Variants in CDH12 observed in about 807,000 individuals in gnomAD.
CDH12 encodes the protein cadherin-12.
A neutral mutation model predicts 74.1 loss-of-function variants in CDH12; 41 were observed. The observed-to-expected ratio is 0.55, with a 90% CI of 0.43 to 0.72. The LOEUF (loss-of-function observed/expected upper bound fraction) is 0.72, where lower values mean the gene tolerates loss of function less well. Among genes scored for constraint, CDH12 ranks in the 30% least tolerant of loss-of-function variants. The pLI is 0.00. For synonymous variants in CDH12, 399 were observed against 355.0 expected (o/e 1.12, Z -1.39); for missense variants, 945 against 977.2 (o/e 0.97, Z 0.44).
intron 2 of CDH12, among the ~76,000 whole-genome samples, chr5:22,450,497 T>C (rs1232703490): frequency 6.6e-6 from 1 of 151,942 alleles, no homozygotes; most frequent in Non-Finnish European, 1.5e-5. Context: ...CATATTGATT[T>C]ATTTTAGTAT....
At position 22,838,798 on chromosome 5, in the gene CDH12, C is replaced by T. The variant is rs575517694; in HGVS notation, c.-523+14260G>A. Among the ~76,000 whole-genome samples the T allele has an allele frequency of 7.2e-5, 11 of 151,972 alleles. 1 individual carries two copies. Among genetic ancestry groups the T allele is most frequent in the Admixed American group, 2.0e-4 (3 of 15,248 alleles). On this transcript the variant is annotated intron_variant, in intron 1 of 14. Coordinates refer to ENST00000382254, the MANE Select transcript of CDH12 (RefSeq NM_004061.5). ...CAAGGGATCCTCTCTCCCACCTCAG[C>T]CTCCTGAGTAGCTAGGACTACAGGC...
At chr5:22,051,134 T>C (rs1740329914) in intron 5 of CDH12, among the ~76,000 whole-genome samples, 1 of 152,110 alleles carries the variant, frequency 6.6e-6, no homozygotes, top group South Asian at 2.1e-4. Context: ...TAATAAAACA[T>C]GACAGCTGTT....
chr5:22,502,368 C>T (rs1008899230), intron 2 of CDH12, among the ~76,000 whole-genome samples: 3 of 152,036 alleles, frequency 2.0e-5, no homozygotes, highest in Admixed American at 6.6e-5. Context: ...GTGCAGCCTC[C>T]CCAGCCATGT....
chr5:22,184,743 A>G (rs1386567945), intron 4 of CDH12, among the ~76,000 whole-genome samples: 2 of 152,050 alleles, frequency 1.3e-5, no homozygotes, highest in African/African-American at 4.8e-5. Flanking sequence ...CATGACCCTT[A>G]CTCTGCTGTG....
chr5:22,728,736 T>C (rs1744285720), intron 1 of CDH12, among the ~76,000 whole-genome samples: 1 of 151,866 alleles, frequency 6.6e-6, no homozygotes, highest in Middle Eastern at 3.2e-3. Context: ...GCTGTCTTCT[T>C]GCTGTGTTCT....
intron 1 of CDH12, among the ~76,000 whole-genome samples, chr5:22,742,140 C>G (rs1303631396): frequency 6.6e-6 from 1 of 151,324 alleles, no homozygotes; most frequent in Middle Eastern, 3.4e-3. Flanking sequence ...TGAGATTGTG[C>G]CACTGTACTC....
intron 1 of CDH12, among the ~76,000 whole-genome samples, chr5:22,522,037 G>A (rs1216042045): frequency 6.6e-6 from 1 of 152,088 alleles, no homozygotes; most frequent in Non-Finnish European, 1.5e-5. Context: ...AAGCGTATCA[G>A]GAAAGTTTTA....
intron 3 of CDH12, among the ~76,000 whole-genome samples, chr5:22,257,336 T>C (rs1753353372): frequency 6.6e-6 from 1 of 151,924 alleles, no homozygotes; most frequent in South Asian, 2.1e-4. Context: ...AAAGTTAAAA[T>C]ATAAGTTAAA....
chr5:21,861,205 T>A (rs1488277502), intron 6 of CDH12, among the ~76,000 whole-genome samples: 1 of 151,796 alleles, frequency 6.6e-6, no homozygotes, highest in African/African-American at 2.4e-5. Flanking sequence ...CTTTCTACAT[T>A]GATTTATTTT....
intron 1 of CDH12, among the ~76,000 whole-genome samples, chr5:22,642,382 T>A (rs754992915): frequency 6.6e-6 from 1 of 152,198 alleles, no homozygotes; most frequent in Non-Finnish European, 1.5e-5. Context: ...GTCTTTCTGC[T>A]TCATTTGGTC....
chr5:22,411,851 C>T (rs1743184178), intron 2 of CDH12, among the ~76,000 whole-genome samples: 1 of 151,928 alleles, frequency 6.6e-6, no homozygotes, highest in African/African-American at 2.4e-5. Context: ...CAGAGACTAC[C>T]TCATCAATTT....
At chr5:22,092,352 T>G (rs1182352220) in intron 4 of CDH12, among the ~76,000 whole-genome samples, 1 of 152,138 alleles carries the variant, frequency 6.6e-6, no homozygotes, top group Admixed American at 6.6e-5. Flanking sequence ...CAAAAAAGTA[T>G]GTTCAAATTA....
chr5:22,219,720 C>T (rs932261656), intron 3 of CDH12, among the ~76,000 whole-genome samples: 1 of 151,468 alleles, frequency 6.6e-6, no homozygotes, highest in South Asian at 2.1e-4. Context: ...TAGTTCACTG[C>T]CTAGGATTGC....
intron 3 of CDH12, among the ~76,000 whole-genome samples, chr5:22,302,708 A>G (rs1262193694): frequency 6.6e-6 from 1 of 152,184 alleles, no homozygotes; most frequent in East Asian, 1.9e-4. Context: ...AAACATATGT[A>G]TCTAGAGAAA....
chr5:22,328,819 TGG>T (rs1314411153), intron 3 of CDH12, among the ~76,000 whole-genome samples: 2 of 152,198 alleles, frequency 1.3e-5, no homozygotes, highest in East Asian at 3.9e-4. Context: ...AGATCTGTCA[TGG>T]GCTTTTAAGA....
intron 5 of CDH12, among the ~76,000 whole-genome samples, chr5:21,993,198 G>C (rs905100272): frequency 6.6e-6 from 1 of 152,002 alleles, no homozygotes; most frequent in African/African-American, 2.4e-5. Flanking sequence ...ACTCAATACT[G>C]AACTAAATCA....
At chr5:21,853,617 C>A (rs28563769) in intron 7 of CDH12, among the ~76,000 whole-genome samples, 11,543 of 151,618 alleles carry the variant, frequency 0.076, 711 homozygotes, top group African/African-American at 0.17. Context: ...AACATTAATA[C>A]ATAATTAATT....
chr5:22,194,903 CT>C (rs1282599393), intron 4 of CDH12, among the ~76,000 whole-genome samples: 1 of 152,070 alleles, frequency 6.6e-6, no homozygotes, highest in Non-Finnish European at 1.5e-5. Context: ...AAACACAAGA[CT>C]TTTTTTCTAA....
intron 2 of CDH12, among the ~76,000 whole-genome samples, chr5:22,457,404 T>C (rs997061578): frequency 6.7e-5 from 9 of 134,736 alleles, no homozygotes; most frequent in Non-Finnish European, 1.4e-4. Context: ...CTTCTTCCTC[T>C]TCCTCTTCCT....
Sources: allele counts gnomAD v4.1 joint callset (sites outside exome capture counted in the v4.1 genomes callset), GRCh38; gene constraint gnomAD v4.1.1; transcripts MANE v1.5; gene names NCBI Gene and HGNC (gene_info 2026-07-23, HGNC 2026-07-21).